The following LMNA variants were observed in gnomAD, a reference collection of about 807,000 sequenced individuals.
LMNA encodes lamin.
In LMNA, 20 loss-of-function variants were observed where a neutral mutation model predicts 70.4. The ratio of observed to expected loss-of-function variants is 0.28; its 90% CI spans 0.20 to 0.41. The LOEUF (loss-of-function observed/expected upper bound fraction) is 0.41, where lower values mean the gene tolerates loss of function less well. Among genes scored for constraint, LMNA ranks in the 10% least tolerant of loss-of-function variants. LMNA has a pLI of 1.00. For missense variants in LMNA, 652 were observed against 917.2 expected (o/e 0.71, Z 3.73); for synonymous variants, 339 against 372.8 (o/e 0.91, Z 1.04).
Position 156,134,347 on chromosome 1 carries a change from T to A in LMNA, c.514-56T>A. The A allele has an allele frequency of 6.2e-7, 1 of 1,603,980 alleles. No homozygotes were observed. The highest frequency in any genetic ancestry group is 1.1e-5 in the South Asian group (1 of 89,756). ...GGCAGCAGCCCACCTCTCAGCTTCCTTCCAGTTCTTGTGTTCTGTGACCCC... is the reference window on the plus strand; with the variant it reads ...GGCAGCAGCCCACCTCTCAGCTTCCATCCAGTTCTTGTGTTCTGTGACCCC... On this transcript the variant is annotated intron_variant, in intron 2 of 11. Transcript: ENST00000368300. The surrounding 1 kb of genome is among the most constrained non-coding windows in gnomAD (Gnocchi z 5.3).
chr1:156,117,033 C>T (rs1649873781), intron 1 of LMNA, among the ~76,000 whole-genome samples: 1 of 151,650 alleles, frequency 6.6e-6, no homozygotes. Flanking sequence ...CCTGCCTCAG[C>T]CTCCTGAGTA....
intron 1 of LMNA, among the ~76,000 whole-genome samples, chr1:156,127,350 G>A (rs950586657): frequency 6.6e-6 from 1 of 152,018 alleles, no homozygotes; most frequent in Non-Finnish European, 1.5e-5. Context: ...CCCGCAGATG[G>A]GAGCTCCCCG....
intron 1 of LMNA, among the ~76,000 whole-genome samples, chr1:156,116,594 T>A (rs1649841981): frequency 6.6e-6 from 1 of 152,190 alleles, no homozygotes; most frequent in Admixed American, 6.5e-5. Flanking sequence ...TTGCTAGGTG[T>A]GGTTTTGTTG....
upstream of LMNA, among the ~76,000 whole-genome samples, chr1:156,114,069 C>A (rs577052857): frequency 5.3e-4 from 71 of 134,422 alleles, no homozygotes; most frequent in African/African-American, 2.3e-3. Context: ...AAAAAAGGGA[C>A]CCCCCAAACT....
chr1:156,115,221 C>A lies in LMNA; in HGVS notation c.303C>A (p.Arg101=). Reference sequence around the variant, plus strand: ...ACTCAGTAGCCAAGGAGCGCGCCCGCCTGCAGCTGGAGCTGAGCAAAGTGC... The same window carrying A: ...ACTCAGTAGCCAAGGAGCGCGCCCGACTGCAGCTGGAGCTGAGCAAAGTGC... ...TLDSVAKERA[R]LQLELSKVRE... is the part of the protein sequence containing the mutation. The change falls in exon 1 of 12, where the codon CGC becomes CGA. Residue 101 remains arginine, a synonymous_variant. Transcript: ENST00000368300. This position sits in a 1 kb window ranked among gnomAD's most constrained non-coding sequence, Gnocchi z 5.8. The A allele has an allele frequency of 6.2e-7, 1 of 1,613,452 alleles. No homozygotes were observed. The highest frequency in any genetic ancestry group is 8.5e-7 in the Non-Finnish European group (1 of 1,179,860).
At chr1:156,117,391 C>T (rs185965651) in intron 1 of LMNA, among the ~76,000 whole-genome samples, 20 of 151,164 alleles carry the variant, frequency 1.3e-4, no homozygotes, top group South Asian at 6.3e-4. Context: ...CCTGCCACCA[C>T]GCCCGGCTAC....
At chr1:156,105,870 G>A (rs1224848564) in intron 3 of LMNA, among the ~76,000 whole-genome samples, 1 of 152,114 alleles carries the variant, frequency 6.6e-6, no homozygotes, top group Non-Finnish European at 1.5e-5. Context: ...TGTAATCCCA[G>A]CACTTTGGGA....
In LMNA at chr1:156,115,340, G is replaced by T; in HGVS notation, c.356+66G>T. 2 of 1,431,382 alleles carry T rather than the reference G, an allele frequency of 1.4e-6. No individual in the cohort carries two copies. The highest frequency in any genetic ancestry group is 1.9e-6 in the Non-Finnish European group (2 of 1,047,454). The allele number at this position is 1,431,382 out of a possible 1,614,324, so 88.7% of individuals were successfully genotyped here. A position where few individuals can be genotyped will look rare whatever the true frequency, so the allele number is the denominator to read the frequency against. ...AGAGGGCGGCGGGCCGGCGCCCCTG[G>T]CCGGCCGCAGGAAGGGAGTGAGAGG... On this transcript the variant is annotated intron_variant, in intron 1 of 11. Transcript: ENST00000368300. This position sits in a 1 kb window ranked among gnomAD's most constrained non-coding sequence, Gnocchi z 5.8.
Position 156,136,803 on chromosome 1 carries a change from T to C in LMNA, c.1381-118T>C. ...GGGGAAGGGCAGTGACAGGGGTGTGTGTAGATGGAAGGAGAGGCCTCAATT... is the reference window on the plus strand; with the variant it reads ...GGGGAAGGGCAGTGACAGGGGTGTGCGTAGATGGAAGGAGAGGCCTCAATT... On this transcript the variant is annotated intron_variant, in intron 7 of 11. Coordinates refer to ENST00000368300, the MANE Select transcript of LMNA (RefSeq NM_170707.4). This position sits in a 1 kb window ranked among gnomAD's most constrained non-coding sequence, Gnocchi z 6.1. The C allele has an allele frequency of 2.4e-6, 2 of 817,764 alleles. No individual in the cohort carries two copies. The highest frequency in any genetic ancestry group is 4.1e-6 in the Non-Finnish European group (2 of 485,628). The allele number at this position is 817,764 out of a possible 1,614,324, so 50.7% of individuals were successfully genotyped here.
At chr1:156,102,670 C>A (rs1482958036) in intron 3 of LMNA, among the ~76,000 whole-genome samples, 2 of 152,156 alleles carry the variant, frequency 1.3e-5, no homozygotes, top group Non-Finnish European at 2.9e-5. Flanking sequence ...GCAGCCGGCT[C>A]TTTGCGCTCC....
rs1486957034 is a variant in LMNA, at chr1:156,139,928, G to A, written c.*822G>A. The A allele has an allele frequency of 8.1e-7, 1 of 1,235,680 alleles. No homozygotes were observed. Among genetic ancestry groups the A allele is most frequent in the Middle Eastern group, 2.8e-4 (1 of 3,570 alleles). 76.5% of individuals were successfully genotyped at this position (1,235,680 alleles called of 1,614,324 possible). The stretch of plus-strand genomic sequence containing the variant: ...GAGGGAGAGGGAGGTCACTGGAAAG[G>A]GGAGAGCCTGCTGGCACCCACCGTG... On this transcript the variant is annotated 3_prime_UTR_variant, in exon 12 of 12. Transcript: ENST00000368300.
intron 3 of LMNA, among the ~76,000 whole-genome samples, chr1:156,105,024 T>G (rs1244171081): frequency 1.3e-5 from 2 of 152,164 alleles, no homozygotes; most frequent in Admixed American, 1.3e-4. Context: ...TTAGCCTGTC[T>G]TCCTGTCCTT....
intron 3 of LMNA, among the ~76,000 whole-genome samples, chr1:156,099,761 C>G (rs970233370): frequency 9.9e-5 from 15 of 150,894 alleles, no homozygotes; most frequent in African/African-American, 3.2e-4. Context: ...TGGTGTGCAC[C>G]TGTAATCTCA....
Position 156,135,296 on chromosome 1 carries a change from G to T in LMNA, c.920G>T (p.Ser307Ile). ...IRIDSLSAQL[S>I]QLQKQLAAKE... ...ATCGACAGCCTCTCTGCCCAGCTCA[G>T]CCAGCTCCAGAAGCAGGTGATACCC... is the stretch of plus-strand genomic sequence containing the variant. Residue 307 changes from serine to isoleucine, a missense_variant, in exon 5 of 12, where the codon AGC becomes ATC. By Grantham distance (142) the Ser-to-Ile change is moderately radical. Coordinates refer to ENST00000368300, the MANE Select transcript of LMNA (RefSeq NM_170707.4). This position sits in a 1 kb window ranked among gnomAD's most constrained non-coding sequence, Gnocchi z 4.8. 1.9e-6 allele frequency: 3 copies of T among 1,586,848 alleles called. No homozygotes were observed. The highest frequency in any genetic ancestry group is 2.6e-6 in the Non-Finnish European group (3 of 1,163,940).
upstream of LMNA, among the ~76,000 whole-genome samples, chr1:156,112,779 G>A (rs570576198): frequency 6.6e-6 from 1 of 152,282 alleles, no homozygotes; most frequent in South Asian, 2.1e-4. Flanking sequence ...TCCCACTCCA[G>A]TCCCTCATCC....
At position 156,138,633 on chromosome 1, in the gene LMNA, C is replaced by A; in HGVS notation, c.1844C>A (p.Ser615Tyr). The change falls in exon 11 of 12, where the codon TCT becomes TAT. Residue 615 changes from serine (S) to tyrosine (Y), a missense_variant. Physicochemically the swap from Ser to Tyr is moderately radical, Grantham distance 144 (BLOSUM62 -2). Around this residue, in one of 4 missense-constraint regions of LMNA, gnomAD observed 327 missense variants for 387.6 expected, o/e 0.84. Coordinates refer to ENST00000368300, the MANE Select transcript of LMNA (RefSeq NM_170707.4). The surrounding 1 kb of genome is among the most constrained non-coding windows in gnomAD (Gnocchi z 5.5). ...GTGGGCGGACCCATCTCCTCTGGCT[C>A]TTCTGCCTCCAGTGTCACGGTCACT... is the stretch of plus-strand genomic sequence containing the variant. ...AQVGGPISSG[S>Y]SASSVTVTRS... The A allele has an allele frequency of 6.2e-7, 1 of 1,613,406 alleles. No homozygotes were observed. The highest frequency in any genetic ancestry group is 8.5e-7 in the Non-Finnish European group (1 of 1,179,906).
Position 156,135,447 on chromosome 1 carries a change from C to T in LMNA, c.936+135C>T. Reference sequence around the variant, plus strand: ...GAGGGATGAAAAGTGTCCCCACAACCACAGAGAAGGGTCGCAGGATGTGGA... The same window carrying T: ...GAGGGATGAAAAGTGTCCCCACAACTACAGAGAAGGGTCGCAGGATGTGGA... On this transcript the variant is annotated intron_variant, in intron 5 of 11. Coordinates refer to ENST00000368300, the MANE Select transcript of LMNA (RefSeq NM_170707.4). The surrounding 1 kb of genome is among the most constrained non-coding windows in gnomAD (Gnocchi z 4.8). The T allele has an allele frequency of 8.6e-7, 1 of 1,167,774 alleles. No homozygotes were observed. Among genetic ancestry groups the T allele is most frequent in the South Asian group, 1.3e-5 (1 of 76,140 alleles). The allele number at this position is 1,167,774 out of a possible 1,614,324, so 72.3% of individuals were successfully genotyped here.
intron 1 of LMNA, among the ~76,000 whole-genome samples, chr1:156,122,217 T>C (rs978959126): frequency 6.6e-6 from 1 of 152,208 alleles, no homozygotes; most frequent in Non-Finnish European, 1.5e-5. Context: ...CTTAGTTCTG[T>C]GTGTGGCCCT....
At chr1:156,092,114 C>T (rs1473649549) in intron 3 of LMNA, among the ~76,000 whole-genome samples, 3 of 151,866 alleles carry the variant, frequency 2.0e-5, no homozygotes, top group East Asian at 2.0e-4. Context: ...GATGGGGTTT[C>T]GCCATCTTGG....
Sources: gnomAD v4.1 joint callset for allele counts (sites outside exome capture counted in the v4.1 genomes callset) on GRCh38, gnomAD v4.1.1 for gene constraint, gnomAD v4.1.1 regional missense constraint, Gnocchi (gnomAD v3.1) non-coding constraint, MANE v1.5 for transcripts, NCBI Gene and HGNC (gene_info 2026-07-23, HGNC 2026-07-21) for gene names.